Variants in ROBO2 observed in about 807,000 individuals in gnomAD.
The protein encoded by ROBO2 is roundabout guidance receptor 2, also known as roundabout homolog 2.
ROBO2 carries 53 observed loss-of-function variants against 160.8 expected under a neutral mutation model. That is an observed-to-expected ratio of 0.33 (90% CI 0.26 to 0.41). ROBO2 has a LOEUF of 0.41. Ranked by LOEUF, ROBO2 falls within the 10% of genes least tolerant of loss-of-function variation. The pLI, the probability that ROBO2 is intolerant of heterozygous loss-of-function variation, is 1.00. For synonymous variants in ROBO2, 664 were observed against 611.7 expected, an observed-to-expected ratio of 1.09 and a Z score of -1.26; for missense variants, 1,577 against 1,722.4, an observed-to-expected ratio of 0.92 and a Z score of 1.49.
At chr3:76,538,147 GA>G (rs1224660869) in intron 2 of ROBO2, among the ~76,000 whole-genome samples, 1 of 116,706 alleles carries the variant, frequency 8.6e-6, no homozygotes. Context: ...AGGCCTGACA[GA>G]ACTCACACAC....
At chr3:75,969,708 A>G (rs2064935619) in intron 2 of ROBO2, among the ~76,000 whole-genome samples, 1 of 151,600 alleles carries the variant, frequency 6.6e-6, no homozygotes, top group Admixed American at 6.6e-5. Flanking sequence ...TTTAAATAAC[A>G]TCTATTCAGA....
intron 2 of ROBO2, among the ~76,000 whole-genome samples, chr3:76,557,793 C>A (rs930376295): frequency 6.6e-6 from 1 of 151,030 alleles, no homozygotes; most frequent in African/African-American, 2.4e-5. Flanking sequence ...CTTGAAAATT[C>A]TTTTCTTACC....
At chr3:77,406,021 C>A (rs920342010) in intron 2 of ROBO2, among the ~76,000 whole-genome samples, 2 of 152,130 alleles carry the variant, frequency 1.3e-5, no homozygotes, top group Admixed American at 1.3e-4. Context: ...TGAGACTGCA[C>A]AATTTATAAA....
At chr3:77,315,796 G>T (rs2063930190) in intron 2 of ROBO2, among the ~76,000 whole-genome samples, 1 of 152,076 alleles carries the variant, frequency 6.6e-6, no homozygotes, top group Middle Eastern at 3.4e-3. Flanking sequence ...AGAAAGAAAA[G>T]AATGATAAAA....
intron 2 of ROBO2, among the ~76,000 whole-genome samples, chr3:76,360,308 A>T (rs1191104360): frequency 6.6e-6 from 1 of 152,112 alleles, no homozygotes; most frequent in Admixed American, 6.6e-5. Flanking sequence ...CTTTCAGAAA[A>T]GTGTTTGTAC....
chr3:77,118,770 A>G (rs1343693599), intron 2 of ROBO2, among the ~76,000 whole-genome samples: 1 of 152,224 alleles, frequency 6.6e-6, no homozygotes, highest in Non-Finnish European at 1.5e-5. Context: ...ATGAGACATT[A>G]GGCAATTTTT....
At chr3:76,319,822 G>A (rs1439507295) in intron 2 of ROBO2, among the ~76,000 whole-genome samples, 1 of 151,346 alleles carries the variant, frequency 6.6e-6, no homozygotes, top group Non-Finnish European at 1.5e-5. Context: ...ATATCTATAA[G>A]TATCTTTAGC....
intron 2 of ROBO2, among the ~76,000 whole-genome samples, chr3:76,121,846 A>G (rs2070765748): frequency 6.6e-6 from 1 of 152,130 alleles, no homozygotes; most frequent in Non-Finnish European, 1.5e-5. Context: ...TGAGGCAGAC[A>G]GTCTCTAAAA....
At chr3:76,822,762 AG>A (rs2066231802) in intron 2 of ROBO2, among the ~76,000 whole-genome samples, 1 of 151,884 alleles carries the variant, frequency 6.6e-6, no homozygotes, top group African/African-American at 2.4e-5. Flanking sequence ...GGGGAAAAGA[AG>A]GACCCTCTAC....
intron 2 of ROBO2, among the ~76,000 whole-genome samples, chr3:76,888,090 G>A (rs547012842): frequency 3.3e-5 from 5 of 152,214 alleles, no homozygotes; most frequent in African/African-American, 4.8e-5. Context: ...GTATTGAGCC[G>A]GGCACAGTGG....
intron 2 of ROBO2, among the ~76,000 whole-genome samples, chr3:77,197,576 A>G (rs1383560208): frequency 6.6e-6 from 1 of 152,232 alleles, no homozygotes; most frequent in South Asian, 2.1e-4. Context: ...TGATTTGAAC[A>G]CTGCTGACCT....
intron 2 of ROBO2, among the ~76,000 whole-genome samples, chr3:76,850,360 C>G (rs745833037): frequency 2.0e-5 from 3 of 152,068 alleles, no homozygotes; most frequent in Admixed American, 6.6e-5. Context: ...TGAGTACTTA[C>G]AACAGAAGCT....
At chr3:76,340,228 T>C (rs1278117563) in intron 2 of ROBO2, among the ~76,000 whole-genome samples, 1 of 152,134 alleles carries the variant, frequency 6.6e-6, no homozygotes, top group Non-Finnish European at 1.5e-5. Context: ...TAAAAGCAAT[T>C]GCATATTATT....
At chr3:77,147,133 A>T (rs1363320147) in intron 2 of ROBO2, among the ~76,000 whole-genome samples, 1 of 152,160 alleles carries the variant, frequency 6.6e-6, no homozygotes. Context: ...TTGTTTACTA[A>T]ATTATAATTT....
chr3:77,069,852 C>A (rs780075374), intron 1 of ROBO2, among the ~76,000 whole-genome samples: 2 of 152,028 alleles, frequency 1.3e-5, no homozygotes, highest in African/African-American at 4.8e-5. Context: ...TAGGGAAGAG[C>A]GCTGATATGT....
At chr3:76,622,840 C>CA (rs1395481261) in intron 2 of ROBO2, among the ~76,000 whole-genome samples, 1 of 152,146 alleles carries the variant, frequency 6.6e-6, no homozygotes, top group East Asian at 1.9e-4. Context: ...CAAGAAACTA[C>CA]ATATGTTGCA....
intron 2 of ROBO2, among the ~76,000 whole-genome samples, chr3:76,052,124 CAAT>C (rs1412983338): frequency 3.9e-5 from 6 of 152,050 alleles, no homozygotes; most frequent in African/African-American, 1.2e-4. Context: ...GTGTGAACAA[CAAT>C]GTCATAGGAC....
At chr3:77,129,666 G>A (rs2075672111) in intron 2 of ROBO2, among the ~76,000 whole-genome samples, 2 of 152,170 alleles carry the variant, frequency 1.3e-5, no homozygotes, top group Admixed American at 1.3e-4. Flanking sequence ...TGTTGTTGTT[G>A]AGAAGAATTG....
chr3:76,680,394 T>G (rs1395416635), intron 2 of ROBO2, among the ~76,000 whole-genome samples: 1 of 151,566 alleles, frequency 6.6e-6, no homozygotes, highest in Non-Finnish European at 1.5e-5. Context: ...AAACCAGATT[T>G]AATATGTTAC....
Sources: gnomAD v4.1 joint callset for allele counts (sites outside exome capture counted in the v4.1 genomes callset) on GRCh38, gnomAD v4.1.1 for gene constraint, MANE v1.5 for transcripts, NCBI Gene and HGNC (gene_info 2026-07-23, HGNC 2026-07-21) for gene names.